APOL3: variants seen among roughly 807,000 people sequenced by gnomAD.
APOL3 encodes the protein TNF-inducible protein CG12-1.
A neutral mutation model predicts 11.6 loss-of-function variants in APOL3; 14 were observed. The ratio of observed to expected loss-of-function variants is 1.21; its 90% CI spans 0.80 to 1.89. The LOEUF (loss-of-function observed/expected upper bound fraction) is 1.89. Ranked by LOEUF, APOL3 falls within the 40% of genes most tolerant of loss-of-function variation. APOL3 has a pLI of 0.00. For synonymous variants in APOL3, 192 were observed against 190.6 expected (o/e 1.01, Z -0.06); for missense variants, 483 against 492.1 (o/e 0.98, Z 0.17).
chr22:36,147,367 G>T (rs1018155295), intron 1 of APOL3, among the ~76,000 whole-genome samples: 1 of 152,110 alleles, frequency 6.6e-6, no homozygotes, highest in African/African-American at 2.4e-5. Context: ...GGTCTCAGGG[G>T]ACATGGCTCC....
intron 2 of APOL3, among the ~76,000 whole-genome samples, chr22:36,145,030 A>G (rs866513004): frequency 2.5e-4 from 32 of 130,398 alleles, no homozygotes; most frequent in African/African-American, 1.2e-3. Flanking sequence ...AAAAAAGAAA[A>G]AAAAAGAAAA....
intron 1 of APOL3, among the ~76,000 whole-genome samples, 160 bp downstream of exon 2, chr22:36,148,886 G>A (rs915935708): frequency 5.9e-5 from 9 of 152,214 alleles, no homozygotes; most frequent in African/African-American, 1.7e-4. Context: ...CAGACCCTTG[G>A]GTCGGGGGAC....
chr22:36,163,390 G>A (rs749793125), upstream of APOL3, among the ~76,000 whole-genome samples: 6 of 152,160 alleles, frequency 3.9e-5, no homozygotes, highest in African/African-American at 1.4e-4. Context: ...AATCGTCCTC[G>A]CCCACCCTTT....
At position 36,145,519 on chromosome 22, in the gene APOL3, T is replaced by C. The variant is rs201432134; in HGVS notation, c.304A>G (p.Asn102Asp). 4.0e-4 allele frequency: 653 copies of C among 1,614,190 alleles called. 5 individuals are homozygous for C. The Admixed American group carries it at 0.011, about 26-fold the overall frequency. The stretch of plus-strand genomic sequence containing the variant: ...ACGAATCTCTTCCAGGCTTCATTGT[T>C]AGTCAGCAGGATTTGCAGATGCACT... The change falls in exon 2 of 3, where the codon AAC becomes GAC. Residue 102 changes from asparagine to aspartate, a missense_variant. By Grantham distance (23) the Asn-to-Asp change is conservative. Coordinates refer to ENST00000349314, the Ensembl canonical transcript of APOL3.
intron 1 of APOL3, chr22:36,154,445 A>C: frequency 2.7e-6 from 1 of 365,504 alleles, no homozygotes. Flanking sequence ...TGAAATGCAA[A>C]GACTTATCGT....
chr22:36,162,004 CCTT>C (rs1181192703), upstream of APOL3, among the ~76,000 whole-genome samples: 2 of 151,554 alleles, frequency 1.3e-5, no homozygotes, highest in South Asian at 2.1e-4. Context: ...CCTCAGGAAA[CCTT>C]CTGGCGGCGG....
chr22:36,158,914 T>A (rs1387424496), intron 1 of APOL3, among the ~76,000 whole-genome samples: 1 of 151,546 alleles, frequency 6.6e-6, no homozygotes, highest in African/African-American at 2.4e-5. Flanking sequence ...GACACAGAGG[T>A]GAGAAACACA....
Position 36,148,745 on chromosome 22 carries a change from C to T in APOL3, c.224-3146G>A, listed in dbSNP as rs570272608. Among the ~76,000 whole-genome samples the T allele has an allele frequency of 2.8e-4, 42 of 152,308 alleles. No homozygotes were observed. In the South Asian group the frequency reaches 6.8e-3, roughly 25 times the overall value. On this transcript the variant is annotated intron_variant, in intron 1 of 2. Coordinates refer to ENST00000349314, the Ensembl canonical transcript of APOL3. The stretch of plus-strand genomic sequence containing the variant: ...TGGACCCTGCTCTCCCCCTACTCCC[C>T]GACCCTGCTGTTTCCACTTCCCCAA...
chr22:36,156,813 G>C (rs1191999586), intron 1 of APOL3: 1 of 375,138 alleles, frequency 2.7e-6, no homozygotes, highest in African/African-American at 2.1e-5. Flanking sequence ...GGGACCCTGC[G>C]GTGTTCCCAG....
chr22:36,141,817 A>G (rs142008134), exon 3 of APOL3: 1 of 1,614,226 alleles, frequency 6.2e-7, no homozygotes, highest in Non-Finnish European at 8.5e-7. Flanking sequence ...ATGATGCCAG[A>G]GGCAGCGCCA....
chr22:36,141,746 T>C, exon 3 of APOL3: 1 of 1,614,132 alleles, frequency 6.2e-7, no homozygotes, highest in South Asian at 1.1e-5. Flanking sequence ...CTACCCCAGC[T>C]GCAGTAAGGG....
chr22:36,162,787 C>T (rs923111496), upstream of APOL3, among the ~76,000 whole-genome samples: 5 of 152,210 alleles, frequency 3.3e-5, no homozygotes, highest in African/African-American at 7.2e-5. Flanking sequence ...TCCATCCCAG[C>T]GCAGAATTCC....
chr22:36,141,017 C>T (rs1008123898), exon 3 of APOL3: 6 of 811,672 alleles, frequency 7.4e-6, no homozygotes, highest in African/African-American at 1.7e-5. Flanking sequence ...CTGCCTTCTC[C>T]TTGGTGCACT....
rs537441679 is a variant in APOL3, at chr22:36,153,000, A to G, written c.224-7401T>C. 9.9e-5 allele frequency among the ~76,000 whole-genome samples: 15 copies of G among 152,184 alleles called. No homozygotes were observed. In the East Asian group the frequency reaches 2.7e-3, roughly 27 times the overall value. Reference sequence around the variant, plus strand: ...GTGGTGCATGCCTGTTATCTCAGCTACTCAGGAGGCTGAGGCAGGAGAATC... The same window carrying G: ...GTGGTGCATGCCTGTTATCTCAGCTGCTCAGGAGGCTGAGGCAGGAGAATC... On this transcript the variant is annotated intron_variant, in intron 1 of 2. Transcript: ENST00000349314.
intron 1 of APOL3, among the ~76,000 whole-genome samples, chr22:36,155,129 T>C (rs2012542132): frequency 6.6e-6 from 1 of 152,180 alleles, no homozygotes; most frequent in South Asian, 2.1e-4. Context: ...GAGACTTCCA[T>C]GGTTTCTGTA....
At chr22:36,164,628 C>T (rs2013813992), upstream of APOL3, 1 of 152,202 alleles carries the variant, frequency 6.6e-6, no homozygotes, top group African/African-American at 2.4e-5. Context: ...TTATTCATTT[C>T]CCAAGCCCCC....
intron 1 of APOL3, among the ~76,000 whole-genome samples, chr22:36,152,178 C>T (rs558772826): frequency 1.1e-4 from 17 of 151,876 alleles, no homozygotes; most frequent in African/African-American, 3.6e-4. Context: ...GGAAAGGGGA[C>T]TCGATAGAAC....
chr22:36,162,362 C>T (rs751810875), upstream of APOL3, among the ~76,000 whole-genome samples: 9 of 152,160 alleles, frequency 5.9e-5, no homozygotes, highest in Non-Finnish European at 1.2e-4. Context: ...TGAAACTGTG[C>T]CCTCAGGTCA....
At chr22:36,156,457 CACGGGCTCCT>C (rs1210161309) in intron 1 of APOL3, among the ~76,000 whole-genome samples, 1 of 152,174 alleles carries the variant, frequency 6.6e-6, no homozygotes, top group African/African-American at 2.4e-5. Context: ...TAACTGGGCA[CACGGGCTCCT>C]ACTTTCCTCA....
Sources: allele counts gnomAD v4.1 joint callset (sites outside exome capture counted in the v4.1 genomes callset), GRCh38; gene constraint gnomAD v4.1.1; transcripts MANE v1.5; gene names NCBI Gene and HGNC (gene_info 2026-07-23, HGNC 2026-07-21).